The following DLG4 variants were observed in gnomAD, a reference collection of about 807,000 sequenced individuals.
The protein encoded by DLG4 is disks large homolog 4.
Under a neutral mutation model 93.8 loss-of-function variants are expected in DLG4, and 7 were observed. That is an observed-to-expected ratio of 0.07 (90% CI 0.04 to 0.14). The LOEUF is 0.14. Ranked by LOEUF, DLG4 falls within the 10% of genes least tolerant of loss-of-function variation. DLG4 has a pLI of 1.00. For synonymous variants in DLG4, 341 were observed against 387.6 expected (o/e 0.88, Z 1.41); for missense variants, 545 against 992.9 (o/e 0.55, Z 6.06).
chr17:7,203,626 C>T lies in DLG4; in HGVS notation c.336-33G>A, dbSNP rs2142886060. 6.2e-7 allele frequency: 1 copy of T among 1,609,038 alleles called. No individual in the cohort carries two copies. The highest frequency in any genetic ancestry group is 8.5e-7 in the Non-Finnish European group (1 of 1,175,844). On this transcript the variant is annotated intron_variant, in intron 5 of 19. Transcript: ENST00000399506. The surrounding 1 kb of genome is among the most constrained non-coding windows in gnomAD (Gnocchi z 7.2). ...CAGCAAGGTGGGCCTGAGCCAAGAG[C>T]TTCCTGCTGCCCTGGCCCTCCCTCT...
At chr17:7,212,510 C>A (rs1013077322) in intron 1 of DLG4, among the ~76,000 whole-genome samples, 21 of 152,132 alleles carry the variant, frequency 1.4e-4, no homozygotes, top group African/African-American at 4.8e-5. Flanking sequence ...CTGTCCAAAC[C>A]CCCGAATCTA....
chr17:7,197,085 G>A (rs1324389121), intron 8 of DLG4, 33 bp from the exon 9 acceptor site: 1 of 1,559,868 alleles, frequency 6.4e-7, no homozygotes, highest in Non-Finnish European at 8.7e-7. Context: ...GAAAGTGCCT[G>A]GAGGGAAACA....
Position 7,203,894 on chromosome 17 carries a change from G to A in DLG4, c.211-78C>T. 1.9e-6 allele frequency: 3 copies of A among 1,593,720 alleles called. No homozygotes were observed. The highest frequency in any genetic ancestry group is 1.1e-5 in the South Asian group (1 of 88,878). ...AGGCAAGTGGGGTGGGAAATGGCTT[G>A]GAGCAGCCAGAGGAGGAAGGCACAG... On this transcript the variant is annotated intron_variant, in intron 4 of 19. Coordinates refer to ENST00000399506, the MANE Select transcript of DLG4 (RefSeq NM_001321075.3). The surrounding 1 kb of genome is among the most constrained non-coding windows in gnomAD (Gnocchi z 7.2).
upstream of DLG4, chr17:7,219,841 C>T (rs1425155864): frequency 3.3e-6 from 5 of 1,537,886 alleles, no homozygotes; most frequent in Middle Eastern, 3.3e-4. Flanking sequence ...AACTACAGCT[C>T]CCAGCATGCC....
At chr17:7,214,936 G>A (rs962119683) in intron 1 of DLG4, among the ~76,000 whole-genome samples, 4 of 152,154 alleles carry the variant, frequency 2.6e-5, no homozygotes, top group Non-Finnish European at 4.4e-5. Context: ...CTAAATATAG[G>A]CAATGAAAGA....
upstream of DLG4, chr17:7,220,015 GGGC>G (rs756720482): frequency 5.6e-6 from 9 of 1,605,194 alleles, no homozygotes; most frequent in South Asian, 9.9e-5. Flanking sequence ...CGCGAGCTTG[GGGC>G]GGCAGCTGCT....
intron 8 of DLG4, among the ~76,000 whole-genome samples, chr17:7,199,979 CAA>C (rs758701276): frequency 1.7e-4 from 9 of 54,226 alleles, no homozygotes; most frequent in Admixed American, 2.0e-4. Context: ...GACTCCGTCT[CAA>C]AAAAAAAAAA....
At position 7,187,941 on chromosome 17, in the gene DLG4, G is replaced by GC. The variant is rs2069335631; in HGVS notation, c.*2766dup. Reference sequence around the variant, plus strand: ...AAAAAATAGCTGTGTGTTATGGCACGCATCTGTAATCCCAGCTACTTGGGA... The same window carrying GC: ...AAAAAATAGCTGTGTGTTATGGCACGCCATCTGTAATCCCAGCTACTTGGGA... On this transcript the variant is annotated 3_prime_UTR_variant, in exon 20 of 20. Transcript: ENST00000399506. Among the ~76,000 whole-genome samples the GC allele has an allele frequency of 6.6e-6, 1 of 151,900 alleles. No homozygotes were observed. Among genetic ancestry groups the GC allele is most frequent in the Non-Finnish European group, 1.5e-5 (1 of 67,992 alleles).
At chr17:7,219,412 A>G, upstream of DLG4, 1 of 1,015,366 alleles carries the variant, frequency 9.8e-7, no homozygotes, top group Non-Finnish European at 1.2e-6. Context: ...CCTACTGTGA[A>G]ACTGTAGCTG....
chr17:7,203,132 G>T lies in DLG4; in HGVS notation c.642+61C>A. ...GGGGTGAAGTGATGAACTTGGGCCT[G>T]CCAGGGCTAGTAGGTGAGACCCAAA... On this transcript the variant is annotated intron_variant, in intron 7 of 19. Coordinates refer to ENST00000399506, the MANE Select transcript of DLG4 (RefSeq NM_001321075.3). The surrounding 1 kb of genome is among the most constrained non-coding windows in gnomAD (Gnocchi z 7.2). 3.2e-6 allele frequency: 5 copies of T among 1,569,452 alleles called. No homozygotes were observed. Among genetic ancestry groups the T allele is most frequent in the Non-Finnish European group, 4.3e-6 (5 of 1,149,806 alleles).
intron 8 of DLG4, among the ~76,000 whole-genome samples, chr17:7,199,976 T>C: frequency 7.4e-6 from 1 of 136,024 alleles, no homozygotes. Context: ...CGAGACTCCG[T>C]CTCAAAAAAA....
At chr17:7,197,338 T>C (rs1335277575) in intron 8 of DLG4, among the ~76,000 whole-genome samples, 1 of 151,962 alleles carries the variant, frequency 6.6e-6, no homozygotes, top group Non-Finnish European at 1.5e-5. Context: ...AATATTACGC[T>C]TTGGGGGTTT....
chr17:7,213,826 G>C (rs886419646), intron 1 of DLG4: 1 of 471,066 alleles, frequency 2.1e-6, no homozygotes, highest in Non-Finnish European at 4.4e-6. Flanking sequence ...CCCGTTGATC[G>C]GCATCTGTTA....
chr17:7,207,721 GGCGC>G (rs2070533811), intron 2 of DLG4, among the ~76,000 whole-genome samples: 1 of 149,938 alleles, frequency 6.7e-6, no homozygotes, highest in African/African-American at 2.5e-5. Context: ...GCACACAAAC[GGCGC>G]ACGCACGCAC....
At chr17:7,214,454 T>C (rs997730540) in intron 1 of DLG4, among the ~76,000 whole-genome samples, 1 of 150,306 alleles carries the variant, frequency 6.7e-6, no homozygotes, top group African/African-American at 2.5e-5. Context: ...GCCCGTTCGC[T>C]CCCCCTGCCT....
rs764834692 is a variant in DLG4, at chr17:7,196,798, C to G, written c.1042G>C (p.Asp348His). The G allele has an allele frequency of 2.5e-6, 4 of 1,611,594 alleles. No homozygotes were observed. Among genetic ancestry groups the G allele is most frequent in the Non-Finnish European group, 3.4e-6 (4 of 1,178,946 alleles). The change falls in exon 9 of 20, where the codon GAC becomes CAC. Residue 348 changes from aspartate (D) to histidine (H), a missense_variant. By Grantham distance (81) the Asp-to-His change is moderately conservative (BLOSUM62 -1). Coordinates refer to ENST00000399506, the MANE Select transcript of DLG4 (RefSeq NM_001321075.3). The surrounding 1 kb of genome is among the most constrained non-coding windows in gnomAD (Gnocchi z 8.3). The part of the protein sequence containing the change: ...ISFILAGGPA[D>H]LSGELRKGDQ... ...CCCTTCCGCAGCTCCCCACTGAGGT[C>G]TGCAGGGCCCCCGGCCAGGATAAAG... is the stretch of plus-strand genomic sequence containing the variant.
At chr17:7,213,761 C>T in intron 1 of DLG4, 2 of 471,120 alleles carry the variant, frequency 4.2e-6, no homozygotes, top group Non-Finnish European at 8.8e-6. Context: ...CTATAAAATG[C>T]CCATACATGG....
At chr17:7,204,756 C>A (rs553351511) in intron 2 of DLG4, among the ~76,000 whole-genome samples, 6 of 136,262 alleles carry the variant, frequency 4.4e-5, no homozygotes, top group African/African-American at 1.7e-4. Flanking sequence ...ATTTTCATAA[C>A]CCTCCCCTAG....
At position 7,196,144 on chromosome 17, in the gene DLG4, G is replaced by T; in HGVS notation, c.1301+76C>A. The T allele has an allele frequency of 8.9e-7, 1 of 1,124,158 alleles. No individual in the cohort carries two copies. Among genetic ancestry groups the T allele is most frequent in the Non-Finnish European group, 1.3e-6 (1 of 776,500 alleles). The allele number at this position is 1,124,158 out of a possible 1,614,324, so 69.6% of individuals were successfully genotyped here. On this transcript the variant is annotated intron_variant, in intron 11 of 19. Transcript: ENST00000399506. This position sits in a 1 kb window ranked among gnomAD's most constrained non-coding sequence, Gnocchi z 8.3. ...AGCAGGCAGGGTGGAGAAGAGGAGC[G>T]GCTGAGGCCCGGGCCAGGCACAGAG...
Sources: gnomAD v4.1 joint callset for allele counts (sites outside exome capture counted in the v4.1 genomes callset) on GRCh38, gnomAD v4.1.1 for gene constraint, Gnocchi (gnomAD v3.1) non-coding constraint, MANE v1.5 for transcripts, NCBI Gene and HGNC (gene_info 2026-07-23, HGNC 2026-07-21) for gene names.